SMTNL2: variants seen among roughly 807,000 people sequenced by gnomAD.
SMTNL2 encodes the protein smoothelin-like protein 2.
Under a neutral mutation model 44.1 loss-of-function variants are expected in SMTNL2, and 43 were observed. The observed-to-expected ratio is 0.98, with a 90% CI of 0.76 to 1.26. The LOEUF (loss-of-function observed/expected upper bound fraction) is 1.26. SMTNL2 is among the 50% of genes most tolerant of loss of function. The pLI is 0.00. For synonymous variants in SMTNL2, 317 were observed against 287.6 expected, an observed-to-expected ratio of 1.10 and a Z score of -1.03; for missense variants, 646 against 670.2, an observed-to-expected ratio of 0.96 and a Z score of 0.40.
intron 7 of SMTNL2, among the ~76,000 whole-genome samples, chr17:4,605,917 G>C (rs1240665390): frequency 6.6e-6 from 1 of 152,172 alleles, no homozygotes; most frequent in Non-Finnish European, 1.5e-5. Flanking sequence ...ACTCGCTGCT[G>C]AGATGAGCAG....
At chr17:4,586,443 C>T (rs927968034) in intron 1 of SMTNL2, among the ~76,000 whole-genome samples, 1 of 151,008 alleles carries the variant, frequency 6.6e-6, no homozygotes, top group Non-Finnish European at 1.5e-5. Flanking sequence ...CTGCTCATAG[C>T]AGCAGCTGTC....
In SMTNL2 at chr17:4,598,054, C is replaced by T. The variant is rs1057365523; in HGVS notation, c.1259+731C>T. 6.6e-6 allele frequency among the ~76,000 whole-genome samples: 1 copy of T among 152,128 alleles called. No homozygotes were observed. Among genetic ancestry groups the T allele is most frequent in the Non-Finnish European group, 1.5e-5 (1 of 68,016 alleles). ...ACAAAGGCGTGGGCAGGAATGAGGT[C>T]GTGGGTCAGGCCTCATGCAGCAGCC... On this transcript the variant is annotated intron_variant, in intron 7 of 7. Coordinates refer to ENST00000389313, the MANE Select transcript of SMTNL2 (RefSeq NM_001114974.2). The surrounding 1 kb of genome is among the most constrained non-coding windows in gnomAD (Gnocchi z 4.8).
chr17:4,587,860 G>A (rs1451175163), intron 1 of SMTNL2, among the ~76,000 whole-genome samples: 5 of 152,236 alleles, frequency 3.3e-5, no homozygotes, highest in Admixed American at 1.3e-4. Flanking sequence ...GCTTGGGGCC[G>A]GGGGTGGATG....
intron 7 of SMTNL2, among the ~76,000 whole-genome samples, chr17:4,605,167 T>G (rs1236392433): frequency 7.2e-6 from 1 of 138,782 alleles, no homozygotes; most frequent in Non-Finnish European, 1.6e-5. Flanking sequence ...TTTTTTTTTT[T>G]TTTTTTTTTT....
intron 7 of SMTNL2, among the ~76,000 whole-genome samples, chr17:4,606,125 C>A (rs746862460): frequency 3.4e-5 from 5 of 147,034 alleles, no homozygotes; most frequent in African/African-American, 7.4e-5. Context: ...TAAGCAATCT[C>A]TTTTTTTTTT....
intron 7 of SMTNL2, among the ~76,000 whole-genome samples, chr17:4,605,265 G>T (rs1463538624): frequency 6.9e-6 from 1 of 144,256 alleles, no homozygotes; most frequent in South Asian, 2.3e-4. Flanking sequence ...GGCCTCAAGC[G>T]ATCCTCTCAC....
At chr17:4,586,512 AAGAG>A (rs10565578) in intron 1 of SMTNL2, among the ~76,000 whole-genome samples, 29,500 of 149,714 alleles carry the variant, frequency 0.2, 3,694 homozygotes, top group African/African-American at 0.36. Context: ...TGTACACACA[AAGAG>A]AGAGAGAGAG....
rs781410257 is a variant in SMTNL2 at position 4,607,354 on chromosome 17, G to A, written c.1260-7G>A. 6.2e-7 allele frequency: 1 copy of A among 1,614,050 alleles called. No homozygotes were observed. Among genetic ancestry groups the A allele is most frequent in the Non-Finnish European group, 8.5e-7 (1 of 1,179,984 alleles). ...ACCACCGTTCTGACGGGGCTTGTGT[G>A]TTTCAGGAATCTGGCCAACTGTGAG... is the stretch of plus-strand genomic sequence containing the variant. On this transcript the variant is annotated splice_region_variant and splice_polypyrimidine_tract_variant and intron_variant, in intron 7 of 7. Transcript: ENST00000389313. The surrounding 1 kb of genome is among the most constrained non-coding windows in gnomAD (Gnocchi z 4.7).
intron 7 of SMTNL2, among the ~76,000 whole-genome samples, chr17:4,599,359 G>A (rs1016702882): frequency 3.4e-4 from 52 of 152,124 alleles, no homozygotes; most frequent in African/African-American, 1.1e-3. Flanking sequence ...TGCAGGGAGC[G>A]GGCAGCTCAT....
At position 4,593,858 on chromosome 17, in the gene SMTNL2, C is replaced by T. The variant is rs1442908455; in HGVS notation, c.767C>T (p.Ser256Phe). The T allele has an allele frequency of 6.2e-7, 1 of 1,614,088 alleles. No individual in the cohort carries two copies. Residue 256 changes from serine (S) to phenylalanine (F), a missense_variant, in exon 4 of 8, where the codon TCT becomes TTT. Ser to Phe is a radical substitution (Grantham distance 155). Coordinates refer to ENST00000389313, the MANE Select transcript of SMTNL2 (RefSeq NM_001114974.2). Reference protein sequence around the residue: ...NSSFTWSVPSSGYGAVTASKH... With the variant: ...NSSFTWSVPSFGYGAVTASKH... ...TCTTTCACGTGGTCTGTGCCAAGCT[C>T]TGGCTATGGGGCAGTGACAGCAAGC...
chr17:4,593,452 T>G (rs899445), intron 3 of SMTNL2, among the ~76,000 whole-genome samples: 32,327 of 152,234 alleles, frequency 0.21, 4,118 homozygotes, highest in Non-Finnish European at 0.29. Flanking sequence ...GTCCCCTCCC[T>G]CAAGGCCCCA....
rs982219032 is a variant in SMTNL2 at position 4,595,501 on chromosome 17, T to G, written c.989+174T>G. On this transcript the variant is annotated intron_variant, in intron 5 of 7. Transcript: ENST00000389313. This position sits in a 1 kb window ranked among gnomAD's most constrained non-coding sequence, Gnocchi z 5.1. The stretch of plus-strand genomic sequence containing the variant: ...AGTTAGGGCTGGGCCACAGGGCAGC[T>G]TGGGGGGACAGAGGACCCCAGTTGT... Among the ~76,000 whole-genome samples, 1 of 152,162 alleles carries G rather than the reference T, an allele frequency of 6.6e-6. No individual in the cohort carries two copies. Among genetic ancestry groups the G allele is most frequent in the Non-Finnish European group, 1.5e-5 (1 of 68,014 alleles).
chr17:4,603,188 G>GGCAATTCTGA (rs1567638266), intron 7 of SMTNL2, among the ~76,000 whole-genome samples: 2 of 152,172 alleles, frequency 1.3e-5, no homozygotes, highest in African/African-American at 4.8e-5. Flanking sequence ...GGAAAATGCC[G>GGCAATTCTGA]GCAATTCTGA....
chr17:4,605,218 G>A (rs541910522), intron 7 of SMTNL2, among the ~76,000 whole-genome samples: 14 of 135,340 alleles, frequency 1.0e-4, no homozygotes, highest in Admixed American at 2.4e-4. Flanking sequence ...CTGGAGTGCA[G>A]TGGTGCAATC....
At position 4,593,236 on chromosome 17, in the gene SMTNL2, G is replaced by A. The variant is rs984933213; in HGVS notation, c.730+65G>A. The A allele has an allele frequency of 3.3e-6, 5 of 1,513,388 alleles. No individual in the cohort carries two copies. The East Asian group carries it at 6.9e-5, about 21-fold the overall frequency. The allele number at this position is 1,513,388 out of a possible 1,614,324, so 93.7% of individuals were successfully genotyped here. A position where few individuals can be genotyped will look rare whatever the true frequency, so the allele number is the denominator to read the frequency against. On this transcript the variant is annotated intron_variant, in intron 3 of 7. Coordinates refer to ENST00000389313, the MANE Select transcript of SMTNL2 (RefSeq NM_001114974.2). ...TTGGGATGGGAGAGGGAAGGCCGGG[G>A]CTGGGGAGAGGGAGTCGGTGGGTGA... is the stretch of plus-strand genomic sequence containing the variant.
In SMTNL2 at chr17:4,592,285, T is replaced by TA. The variant is rs1416459397; in HGVS notation, c.400-76_400-75insA. The TA allele has an allele frequency of 2.8e-5, 38 of 1,374,384 alleles. No individual in the cohort carries two copies. The highest frequency in any genetic ancestry group is 3.6e-5 in the Non-Finnish European group (35 of 984,760). The allele number at this position is 1,374,384 out of a possible 1,614,324, so 85.1% of individuals were successfully genotyped here. A position where few individuals can be genotyped will look rare whatever the true frequency, so the allele number is the denominator to read the frequency against. On this transcript the variant is annotated intron_variant, in intron 1 of 7. Transcript: ENST00000389313. The surrounding 1 kb of genome is among the most constrained non-coding windows in gnomAD (Gnocchi z 4.5). ...GTGTTTTGCCAGAACGGGAGGGGAT[T>TA]TGGGGGTGGGCAGCTTTTGGGGGTG...
At chr17:4,593,789 G>T (rs9908079) in intron 3 of SMTNL2, 33 bp from the exon 4 acceptor site, 425,128 of 1,606,888 alleles carry the variant, frequency 0.26, 59,114 homozygotes, top group Non-Finnish European at 0.29. Flanking sequence ...CTGGGGCCAG[G>T]GTTTGTTACT....
intron 1 of SMTNL2, among the ~76,000 whole-genome samples, chr17:4,588,833 C>T (rs6502801): frequency 0.54 from 82,400 of 152,148 alleles, 23,664 homozygotes; most frequent in Admixed American, 0.65. Flanking sequence ...GTGGGAGACC[C>T]GAGTCCCGTA....
At position 4,596,915 on chromosome 17, in the gene SMTNL2, A is replaced by G. The variant is rs1360012474; in HGVS notation, c.1045A>G (p.Ser349Gly). ...LKRSQSFGVA[S>G]ASSIKQILLE... The stretch of plus-strand genomic sequence containing the variant: ...GCGGTCGCAGAGCTTCGGCGTGGCC[A>G]GCGCCAGCAGCATCAAGCAGATCCT... Residue 349 changes from serine to glycine, a missense_variant, in exon 6 of 8, where the codon AGC becomes GGC. By Grantham distance (56) the Ser-to-Gly change is moderately conservative. Transcript: ENST00000389313. 2 of 1,523,986 alleles carry G rather than the reference A, an allele frequency of 1.3e-6. No homozygotes were observed. Among genetic ancestry groups the G allele is most frequent in the South Asian group, 2.4e-5 (2 of 83,194 alleles). The allele number at this position is 1,523,986 out of a possible 1,614,324, so 94.4% of individuals were successfully genotyped here. A position where few individuals can be genotyped will look rare whatever the true frequency, so the allele number is the denominator to read the frequency against.
Sources: allele counts gnomAD v4.1 joint callset (sites outside exome capture counted in the v4.1 genomes callset), GRCh38; gene constraint gnomAD v4.1.1; non-coding constraint Gnocchi (gnomAD v3.1); transcripts MANE v1.5; gene names NCBI Gene and HGNC (gene_info 2026-07-23, HGNC 2026-07-21).